The following RBM33 variants were observed in gnomAD, a reference collection of about 807,000 sequenced individuals.
RBM33 encodes the protein RNA-binding protein 33.
RBM33 carries 28 observed loss-of-function variants against 132.6 expected under a neutral mutation model. The ratio of observed to expected loss-of-function variants is 0.21; its 90% confidence interval spans 0.16 to 0.29. RBM33 has a LOEUF of 0.29. RBM33 is among the 10% of genes least tolerant of loss of function. The pLI is 1.00. For missense variants in RBM33, 1,291 were observed against 1,518.5 expected (o/e 0.85, Z 2.49); for synonymous variants, 634 against 593.0 (o/e 1.07, Z -1.01).
chr7:155,680,542 C>G, intron 4 of RBM33, 48 bp from the exon 5 acceptor site: 2 of 1,296,104 alleles, frequency 1.5e-6, no homozygotes, highest in South Asian at 1.5e-5. Flanking sequence ...TTAGTTTGAG[C>G]TCCTCTCTTC....
At chr7:155,661,097 GGTGTGTGTGTGT>G (rs59345780) in intron 1 of RBM33, among the ~76,000 whole-genome samples, 3,225 of 110,142 alleles carry the variant, frequency 0.029, 99 homozygotes, top group Admixed American at 0.043. Context: ...GTGTGTGTGT[GGTGTGTGTGTGT>G]GTGTGTGTGT....
In RBM33 at chr7:155,779,644, G is replaced by T. The variant is rs1379672031; in HGVS notation, c.*4603G>T. ...TGGTTTGTGTACTGGAACTAAAGCG[G>T]AACTCACTGATTCATATTGGATCCC... On this transcript the variant is annotated 3_prime_UTR_variant, in exon 18 of 18. Coordinates refer to ENST00000401878, the MANE Select transcript of RBM33 (RefSeq NM_053043.3). 3 of 152,176 alleles carry T rather than the reference G, an allele frequency of 2.0e-5. No homozygotes were observed. The highest frequency in any genetic ancestry group is 7.2e-5 in the African/African-American group (3 of 41,436). 9.4% of individuals were successfully genotyped at this position (152,176 alleles called of 1,614,324 possible).
At chr7:155,736,115 G>C (rs530040661) in intron 9 of RBM33, among the ~76,000 whole-genome samples, 1 of 152,190 alleles carries the variant, frequency 6.6e-6, no homozygotes, top group Non-Finnish European at 1.5e-5. Context: ...AGGGTTTGTG[G>C]TGTTTATACT....
Position 155,730,411 on chromosome 7 carries a change from T to C in RBM33, c.1261-7119T>C, listed in dbSNP as rs575625009. Among the ~76,000 whole-genome samples, 42 of 152,356 alleles carry C rather than the reference T, an allele frequency of 2.8e-4. No individual in the cohort carries two copies. In the South Asian group the frequency reaches 7.9e-3, roughly 29 times the overall value. On this transcript the variant is annotated intron_variant, in intron 9 of 17. Coordinates refer to ENST00000401878, the MANE Select transcript of RBM33 (RefSeq NM_053043.3). ...ATCGTATTTACAGTCTGGGCTGCTG[T>C]CTACAAAAAGGTGTAAAAATGATAA... is the stretch of plus-strand genomic sequence containing the variant.
chr7:155,655,645 T>TATTTATTTTATTAAATCTTGATCCTAAA (rs1798474018), intron 1 of RBM33, among the ~76,000 whole-genome samples: 1 of 148,190 alleles, frequency 6.7e-6, no homozygotes, highest in Non-Finnish European at 1.5e-5. Context: ...CAGTGACAAT[T>TATTTATTTTATTAAATCTTGATCCTAAA]ATTTATTTTA....
chr7:155,668,979 G>T (rs539293940), intron 2 of RBM33, among the ~76,000 whole-genome samples: 1 of 152,222 alleles, frequency 6.6e-6, no homozygotes, highest in African/African-American at 2.4e-5. Context: ...GTGTGAGACG[G>T]TTCTAGGTTT....
chr7:155,767,890 A>C (rs999339769), intron 16 of RBM33, among the ~76,000 whole-genome samples: 2 of 152,370 alleles, frequency 1.3e-5, no homozygotes, highest in African/African-American at 4.8e-5. Context: ...ATGGATTAAA[A>C]TGTGGTTATC....
At chr7:155,645,548 A>G (rs1044464581) in intron 1 of RBM33, among the ~76,000 whole-genome samples, 3 of 152,232 alleles carry the variant, frequency 2.0e-5, no homozygotes, top group Admixed American at 2.0e-4. Flanking sequence ...AAAGGTTTAG[A>G]TACTGAGTCA....
At chr7:155,758,884 C>T (rs1801937644) in intron 14 of RBM33, among the ~76,000 whole-genome samples, 1 of 152,140 alleles carries the variant, frequency 6.6e-6, no homozygotes, top group Non-Finnish European at 1.5e-5. Flanking sequence ...CAAGTAGCTG[C>T]ATCCCAACCT....
At chr7:155,731,107 C>G (rs1212316909) in intron 9 of RBM33, among the ~76,000 whole-genome samples, 2 of 152,288 alleles carry the variant, frequency 1.3e-5, no homozygotes, top group Non-Finnish European at 2.9e-5. Flanking sequence ...AAAATCGAAC[C>G]TTGGTTGACT....
intron 9 of RBM33, among the ~76,000 whole-genome samples, chr7:155,725,200 G>GTT (rs1563162208): frequency 4.3e-5 from 4 of 93,376 alleles, no homozygotes; most frequent in African/African-American, 2.3e-4. Flanking sequence ...TCCTTTTTTA[G>GTT]TTGTTTTTTT....
intron 6 of RBM33, among the ~76,000 whole-genome samples, chr7:155,706,262 C>A (rs953622620): frequency 6.6e-6 from 1 of 152,150 alleles, no homozygotes; most frequent in Non-Finnish European, 1.5e-5. Flanking sequence ...GAGGCTGAGG[C>A]GGATGGATTG....
intron 1 of RBM33, among the ~76,000 whole-genome samples, chr7:155,656,472 A>G (rs1160085804): frequency 6.6e-6 from 1 of 152,212 alleles, no homozygotes; most frequent in Non-Finnish European, 1.5e-5. Context: ...ATCGAAGAAT[A>G]TCTAAAATTG....
intron 2 of RBM33, among the ~76,000 whole-genome samples, chr7:155,669,924 G>A (rs1195024151): frequency 6.6e-6 from 1 of 152,156 alleles, no homozygotes; most frequent in Non-Finnish European, 1.5e-5. Flanking sequence ...CAGAGGTTAG[G>A]ACCGGCTGTG....
At chr7:155,722,032 A>T (rs1283098815) in intron 9 of RBM33, among the ~76,000 whole-genome samples, 2 of 152,230 alleles carry the variant, frequency 1.3e-5, no homozygotes, top group Admixed American at 6.5e-5. Context: ...AATTCTGTAA[A>T]GTGCTTTGTA....
chr7:155,745,556 G>A lies in RBM33; in HGVS notation c.2933G>A (p.Gly978Glu). Residue 978 changes from glycine (G) to glutamate (E), a missense_variant, in exon 14 of 18, where the codon GGG becomes GAG. Gly to Glu is a moderately conservative substitution (Grantham distance 98). This residue lies in a region of RBM33 where 841 missense variants were observed against 912.0 expected (regional missense o/e 0.92). Coordinates refer to ENST00000401878, the MANE Select transcript of RBM33 (RefSeq NM_053043.3). This position sits in a 1 kb window ranked among gnomAD's most constrained non-coding sequence, Gnocchi z 4.1. ...AGGACAAACAGTGGTGGTGGAGACGGGCCCCACATCAGCTCCAAGGTCAGG... is the reference window on the plus strand; with the variant it reads ...AGGACAAACAGTGGTGGTGGAGACGAGCCCCACATCAGCTCCAAGGTCAGG... ...THRTNSGGGDGPHISSKVRVI... is the reference protein window; with the variant it reads ...THRTNSGGGDEPHISSKVRVI... The A allele has an allele frequency of 6.2e-7, 1 of 1,609,272 alleles. No individual in the cohort carries two copies. The highest frequency in any genetic ancestry group is 8.5e-7 in the Non-Finnish European group (1 of 1,177,622).
At chr7:155,668,961 T>TG (rs1255947855) in intron 2 of RBM33, among the ~76,000 whole-genome samples, 1 of 152,236 alleles carries the variant, frequency 6.6e-6, no homozygotes, top group African/African-American at 2.4e-5. Flanking sequence ...GAACTTGTTT[T>TG]GGTCATGGTG....
intron 5 of RBM33, among the ~76,000 whole-genome samples, chr7:155,693,606 A>T (rs1799708690): frequency 6.7e-6 from 1 of 148,578 alleles, no homozygotes. Flanking sequence ...TACTTTGTTT[A>T]TGTTGCTTGC....
intron 14 of RBM33, among the ~76,000 whole-genome samples, chr7:155,760,371 A>G (rs1398312867): frequency 2.0e-5 from 3 of 152,174 alleles, no homozygotes; most frequent in Non-Finnish European, 4.4e-5. Context: ...CGTTAGTGGA[A>G]AGGGTAGAAG....
Sources: allele counts gnomAD v4.1 joint callset (sites outside exome capture counted in the v4.1 genomes callset), GRCh38; gene constraint gnomAD v4.1.1; regional missense constraint gnomAD v4.1.1; non-coding constraint Gnocchi (gnomAD v3.1); transcripts MANE v1.5; gene names NCBI Gene and HGNC (gene_info 2026-07-23, HGNC 2026-07-21).